Variants in TBC1D1 observed in about 807,000 individuals in gnomAD.
TBC1D1 encodes the protein TBC1 (tre-2/USP6, BUB2, cdc16) domain family, member 1.
A neutral mutation model predicts 125.6 loss-of-function variants in TBC1D1; 89 were observed. The ratio of observed to expected loss-of-function variants is 0.71; its 90% CI spans 0.60 to 0.85. The LOEUF is 0.85. Ranked by LOEUF, TBC1D1 falls within the 40% of genes least tolerant of loss-of-function variation. TBC1D1 has a pLI of 0.00. For missense variants in TBC1D1, 1,377 were observed against 1,469.2 expected (o/e 0.94, Z 1.03); for synonymous variants, 565 against 564.1 (o/e 1.00, Z -0.02).
At chr4:37,998,859 G>A (rs1428483824) in intron 2 of TBC1D1, among the ~76,000 whole-genome samples, 4 of 152,194 alleles carry the variant, frequency 2.6e-5, no homozygotes, top group African/African-American at 9.6e-5. Context: ...TTGAAGAGAA[G>A]GTGTCAGAAA....
Position 38,133,081 on chromosome 4 carries a change from C to A in TBC1D1, c.3133-3C>A, listed in dbSNP as rs970527275. 8.7e-6 allele frequency: 14 copies of A among 1,607,548 alleles called. No individual in the cohort carries two copies. Among genetic ancestry groups the A allele is most frequent in the Non-Finnish European group, 1.2e-5 (14 of 1,177,668 alleles). On this transcript the variant is annotated splice_polypyrimidine_tract_variant and splice_region_variant and intron_variant, in intron 18 of 19. Coordinates refer to ENST00000261439, the MANE Select transcript of TBC1D1 (RefSeq NM_015173.4). ...TACGTGATGACTTTTCTTTCTATAA[C>A]AGGTATTTGAAATGGACATCGCTAA... is the stretch of plus-strand genomic sequence containing the variant.
chr4:37,892,494 C>T (rs941732216), intron 1 of TBC1D1, among the ~76,000 whole-genome samples: 1 of 152,046 alleles, frequency 6.6e-6, no homozygotes, highest in Non-Finnish European at 1.5e-5. Context: ...TGCAAGGAGA[C>T]CTGGAAGGGA....
At chr4:38,055,312 T>G (rs983538456) in intron 12 of TBC1D1, among the ~76,000 whole-genome samples, 2 of 152,200 alleles carry the variant, frequency 1.3e-5, no homozygotes, top group African/African-American at 4.8e-5. Flanking sequence ...GAGTCTGCTT[T>G]CAAATCCCAG....
chr4:38,132,364 T>C (rs6837834), intron 18 of TBC1D1, among the ~76,000 whole-genome samples: 22,601 of 152,246 alleles, frequency 0.15, 1,922 homozygotes, highest in East Asian at 0.35. Flanking sequence ...CTTCTGATTC[T>C]GCTTTCCGCC....
At chr4:37,963,062 A>T (rs961505282) in intron 2 of TBC1D1, among the ~76,000 whole-genome samples, 2 of 152,206 alleles carry the variant, frequency 1.3e-5, no homozygotes, top group African/African-American at 2.4e-5. Flanking sequence ...ACCATTAAGA[A>T]AATACAAGCC....
chr4:38,049,550 G>A (rs7682959), intron 10 of TBC1D1, 68 bp from the exon 11 acceptor site: 34,974 of 1,511,996 alleles, frequency 0.023, 574 homozygotes, highest in South Asian at 0.063. Flanking sequence ...GCCCGTGCAG[G>A]AACTAGAGAT....
intron 13 of TBC1D1, among the ~76,000 whole-genome samples, chr4:38,094,340 A>G (rs1443963275): frequency 3.3e-5 from 5 of 152,154 alleles, no homozygotes. Flanking sequence ...ATCATAATAA[A>G]TATTTTAGAG....
At position 38,044,017 on chromosome 4, in the gene TBC1D1, T is replaced by C. The variant is rs529024891; in HGVS notation, c.1414-345T>C. ...TTCGATCTTGCCATTGGTCTCACTT[T>C]ACTGAAGAGGAAGTTTGAGGCTCAG... is the stretch of plus-strand genomic sequence containing the variant. On this transcript the variant is annotated intron_variant, in intron 8 of 19. Transcript: ENST00000261439. Among the ~76,000 whole-genome samples, 4 of 152,354 alleles carry C rather than the reference T, an allele frequency of 2.6e-5. No homozygotes were observed. The South Asian group carries it at 8.3e-4, about 32-fold the overall frequency.
intron 18 of TBC1D1, among the ~76,000 whole-genome samples, chr4:38,132,478 T>C (rs1410000154): frequency 6.6e-6 from 1 of 152,206 alleles, no homozygotes; most frequent in East Asian, 1.9e-4. Context: ...CCATTACTAT[T>C]GTGGGAAAGA....
Position 38,049,702 on chromosome 4 carries a change from G to T in TBC1D1, c.1714G>T (p.Asp572Tyr), listed in dbSNP as rs745528856. Residue 572 changes from aspartate to tyrosine, a missense_variant, in exon 11 of 20, where the codon GAC becomes TAC. Asp to Tyr is a radical substitution (Grantham distance 160). Coordinates refer to ENST00000261439, the MANE Select transcript of TBC1D1 (RefSeq NM_015173.4). The stretch of plus-strand genomic sequence containing the variant: ...CGGCTCCTCGGAGGACCTGTCCAGT[G>T]ACTCGGAGAGTCATCTCCCAGAAGA... 5.0e-6 allele frequency: 8 copies of T among 1,614,142 alleles called. No homozygotes were observed. The highest frequency in any genetic ancestry group is 1.3e-5 in the African/African-American group (1 of 75,034).
intron 19 of TBC1D1, among the ~76,000 whole-genome samples, chr4:38,135,959 T>C (rs1435725534): frequency 6.7e-6 from 1 of 150,278 alleles, no homozygotes; most frequent in Non-Finnish European, 1.5e-5. Context: ...TGTGTATATA[T>C]GTGTATATAT....
At chr4:37,984,866 G>T (rs1394209101) in intron 2 of TBC1D1, among the ~76,000 whole-genome samples, 2 of 151,518 alleles carry the variant, frequency 1.3e-5, no homozygotes, top group East Asian at 1.9e-4. Context: ...GAAAATGTTA[G>T]TGCTTTTGAA....
At chr4:37,933,448 A>G (rs868129079) in intron 2 of TBC1D1, among the ~76,000 whole-genome samples, 22 of 151,538 alleles carry the variant, frequency 1.5e-4, no homozygotes, top group South Asian at 8.3e-4. Context: ...ACACACACAC[A>G]CACACACACA....
chr4:38,063,442 G>C (rs1753120352), intron 12 of TBC1D1, among the ~76,000 whole-genome samples: 1 of 151,044 alleles, frequency 6.6e-6, no homozygotes, highest in Non-Finnish European at 1.5e-5. Flanking sequence ...AGGGAAGGAA[G>C]GGTTGGATCA....
chr4:38,075,173 G>A (rs1212065264), intron 12 of TBC1D1, among the ~76,000 whole-genome samples: 1 of 152,200 alleles, frequency 6.6e-6, no homozygotes, highest in African/African-American at 2.4e-5. Context: ...TTTTCAAGGA[G>A]CATTTGAACT....
rs753522767 is a variant in TBC1D1, at chr4:38,049,870, G to T, written c.1882G>T (p.Val628Leu). ...AAGGAAACTTATGAGGTATCACTCA[G>T]TGAGCACAGAGACGCCTCATGAACG... Residue 628 changes from valine to leucine, a missense_variant, in exon 11 of 20, where the codon GTG becomes TTG. Transcript: ENST00000261439. 6.2e-7 allele frequency: 1 copy of T among 1,613,618 alleles called. No homozygotes were observed. The highest frequency in any genetic ancestry group is 8.5e-7 in the Non-Finnish European group (1 of 1,179,854).
At chr4:38,028,570 C>T (rs1016512414) in intron 7 of TBC1D1, among the ~76,000 whole-genome samples, 5 of 152,222 alleles carry the variant, frequency 3.3e-5, no homozygotes, top group South Asian at 4.1e-4. Flanking sequence ...TTCACAGTCT[C>T]ATAGAGTGTC....
intron 2 of TBC1D1, among the ~76,000 whole-genome samples, chr4:37,915,301 C>G (rs1719491729): frequency 1.3e-5 from 2 of 152,162 alleles, no homozygotes; most frequent in Admixed American, 1.3e-4. Context: ...AAAGTACTGG[C>G]TCACATGATT....
At chr4:38,122,830 T>G (rs1164709757) in intron 17 of TBC1D1, among the ~76,000 whole-genome samples, 1 of 152,172 alleles carries the variant, frequency 6.6e-6, no homozygotes, top group African/African-American at 2.4e-5. Flanking sequence ...CAAACAGATA[T>G]AATAAAATAA....
Sources: gnomAD v4.1 joint callset for allele counts (sites outside exome capture counted in the v4.1 genomes callset) on GRCh38, gnomAD v4.1.1 for gene constraint, MANE v1.5 for transcripts, NCBI Gene and HGNC (gene_info 2026-07-23, HGNC 2026-07-21) for gene names.